Variants in SEC14L2 observed in about 807,000 individuals in gnomAD.
The protein encoded by SEC14L2 is SEC14 like lipid binding 2.
Under a neutral mutation model 56.9 loss-of-function variants are expected in SEC14L2, and 50 were observed. That is an observed-to-expected ratio of 0.88 (90% CI 0.70 to 1.11). The LOEUF (loss-of-function observed/expected upper bound fraction) is 1.11, where lower values mean the gene tolerates loss of function less well. SEC14L2 is among the 50% of genes most tolerant of loss of function. The probability of loss-of-function intolerance (pLI) is 0.00; values close to 1 mark genes in which losing one functional copy is unlikely to be tolerated. For missense variants in SEC14L2, 414 were observed against 500.7 expected (o/e 0.83, Z 1.65); for synonymous variants, 179 against 188.5 (o/e 0.95, Z 0.41).
rs1934405327 is a variant in SEC14L2 at position 30,416,913 on chromosome 22, T to C, written c.1081+510T>C. ...GAATATAAGAATGGGAAACAGACAT[T>C]TGAAAAGGTGCTTAATCTCTCTTAA... is the stretch of plus-strand genomic sequence containing the variant. On this transcript the variant is annotated intron_variant, in intron 11 of 11. Transcript: ENST00000615189. The C allele has an allele frequency of 1.1e-5, 11 of 957,646 alleles. No homozygotes were observed. The South Asian group carries it at 4.6e-4, about 40-fold the overall frequency. 59.3% of individuals were successfully genotyped at this position (957,646 alleles called of 1,614,324 possible). A position where few individuals can be genotyped will look rare whatever the true frequency, so the allele number is the denominator to read the frequency against.
intron 2 of SEC14L2, among the ~76,000 whole-genome samples, chr22:30,405,812 G>T (rs763553144): frequency 6.6e-6 from 1 of 152,144 alleles, no homozygotes; most frequent in Non-Finnish European, 1.5e-5. Flanking sequence ...AAGTAGCTGG[G>T]ACTAGAGGTG....
At chr22:30,420,251 C>G (rs1934482895) in intron 11 of SEC14L2, among the ~76,000 whole-genome samples, 2 of 152,240 alleles carry the variant, frequency 1.3e-5, no homozygotes, top group Admixed American at 1.3e-4. Flanking sequence ...CCACGCCCAG[C>G]CAAATTGTGT....
intron 2 of SEC14L2, among the ~76,000 whole-genome samples, chr22:30,401,536 C>CA (rs953731191): frequency 7.0e-6 from 1 of 142,332 alleles, no homozygotes; most frequent in Non-Finnish European, 1.5e-5. Context: ...TTTTTTGAGA[C>CA]AGAGTCTCAC....
chr22:30,411,784 G>C (rs928433464), intron 8 of SEC14L2, among the ~76,000 whole-genome samples: 1 of 140,032 alleles, frequency 7.1e-6, no homozygotes, highest in Non-Finnish European at 1.5e-5. Flanking sequence ...AGGTCTTTTG[G>C]CCTCTCTGGG....
chr22:30,398,519 G>A (rs1017950969), intron 1 of SEC14L2: 3 of 361,956 alleles, frequency 8.3e-6, no homozygotes, highest in Admixed American at 6.8e-5. Context: ...CAGGGAGTGA[G>A]AGGTTGGAGG....
At chr22:30,410,829 A>T in intron 8 of SEC14L2, 150 bp downstream of exon 8, 4 of 671,822 alleles carry the variant, frequency 6.0e-6, no homozygotes, top group Non-Finnish European at 1.1e-5. Flanking sequence ...GGGTGGAGCT[A>T]GTGCCTTCTT....
Position 30,407,455 on chromosome 22 carries a change from A to G in SEC14L2, c.275A>G (p.Asp92Gly). 6.2e-7 allele frequency: 1 copy of G among 1,614,146 alleles called. No individual in the cohort carries two copies. The highest frequency in any genetic ancestry group is 8.5e-7 in the Non-Finnish European group (1 of 1,180,022). ...CTGTCAGGGGGTATGTGTGGCTATG[A>G]CCTGGATGGCTGCCCAGTCTGGTAC... ...QYLSGGMCGYDLDGCPVWYDI... is the reference protein window; with the variant it reads ...QYLSGGMCGYGLDGCPVWYDI... Residue 92 changes from aspartate (D) to glycine (G), a missense_variant, in exon 5 of 12, where the codon GAC (aspartate) becomes GGC (glycine). Coordinates refer to ENST00000615189, the MANE Select transcript of SEC14L2 (RefSeq NM_012429.5).
chr22:30,410,677 G>A lies in SEC14L2; in HGVS notation c.662G>A (p.Gly221Glu). ...ACTCGTAAGAAGATCATGGTCCTGG[G>A]AGGTAAGTGGTCCAGACTGTTCTCA... ...EDTRKKIMVL[G>E]ANWKEVLLKH... Residue 221 changes from glycine (G) to glutamate (E), a missense_variant and splice_region_variant, in exon 8 of 12, where the codon GGA (glycine) becomes GAA (glutamate). Coordinates refer to ENST00000615189, the MANE Select transcript of SEC14L2 (RefSeq NM_012429.5). The A allele has an allele frequency of 6.2e-7, 1 of 1,613,990 alleles. No individual in the cohort carries two copies. Among genetic ancestry groups the A allele is most frequent in the Non-Finnish European group, 8.5e-7 (1 of 1,179,818 alleles).
chr22:30,415,934 T>C lies in SEC14L2; in HGVS notation c.772-14T>C. Reference sequence around the variant, plus strand: ...CAAATGCACATTCCAGTTCACTCCATGCCATGCTTCTAGATCAACTACGGG... The same window carrying C: ...CAAATGCACATTCCAGTTCACTCCACGCCATGCTTCTAGATCAACTACGGG... On this transcript the variant is annotated splice_polypyrimidine_tract_variant and intron_variant, in intron 9 of 11. Coordinates refer to ENST00000615189, the MANE Select transcript of SEC14L2 (RefSeq NM_012429.5). 6.2e-7 allele frequency: 1 copy of C among 1,614,160 alleles called. No individual in the cohort carries two copies. Among genetic ancestry groups the C allele is most frequent in the South Asian group, 1.1e-5 (1 of 91,078 alleles).
At chr22:30,412,836 CAAACAAAA>C (rs1934287049) in intron 8 of SEC14L2, among the ~76,000 whole-genome samples, 1 of 128,740 alleles carries the variant, frequency 7.8e-6, no homozygotes. Context: ...AAAAAAAAAA[CAAACAAAA>C]AAACAAAAAA....
At position 30,422,881 on chromosome 22, in the gene SEC14L2, C is replaced by CTGG. The variant is rs1382063086; in HGVS notation, c.*475_*476insGGT. On this transcript the variant is annotated 3_prime_UTR_variant, in exon 12 of 12. Transcript: ENST00000615189. The stretch of plus-strand genomic sequence containing the variant: ...AGAGTTACGGTGGGGATCAGAAACT[C>CTGG]TTCCAAACATTTTAGCACTGAGGCT... The CTGG allele has an allele frequency of 6.5e-6, 1 of 154,310 alleles. No homozygotes were observed. Among genetic ancestry groups the CTGG allele is most frequent in the African/African-American group, 2.4e-5 (1 of 41,462 alleles). The allele number at this position is 154,310 out of a possible 1,614,324, so 9.6% of individuals were successfully genotyped here.
rs1934573573 is a variant in SEC14L2 at position 30,423,392 on chromosome 22, C to G, written c.*985C>G. ...GCAAGGTCTTACTAAGCAGTCCCAT[C>G]TCTGTGGGAGGCATGCAACGCGTGC... is the stretch of plus-strand genomic sequence containing the variant. On this transcript the variant is annotated 3_prime_UTR_variant, in exon 12 of 12. Coordinates refer to ENST00000615189, the MANE Select transcript of SEC14L2 (RefSeq NM_012429.5). The G allele has an allele frequency of 6.5e-6, 1 of 152,770 alleles. No homozygotes were observed. Among genetic ancestry groups the G allele is most frequent in the South Asian group, 2.1e-4 (1 of 4,838 alleles). 9.5% of individuals were successfully genotyped at this position (152,770 alleles called of 1,614,324 possible). A position where few individuals can be genotyped will look rare whatever the true frequency, so the allele number is the denominator to read the frequency against.
At chr22:30,409,355 C>A in intron 6 of SEC14L2, 71 bp from the exon 7 acceptor site, 1 of 1,604,654 alleles carries the variant, frequency 6.2e-7, no homozygotes. Context: ...CTAGGCTGTC[C>A]TGTGGGATGG....
At chr22:30,411,607 G>A (rs369502585) in intron 8 of SEC14L2, among the ~76,000 whole-genome samples, 7 of 151,934 alleles carry the variant, frequency 4.6e-5, no homozygotes, top group South Asian at 2.1e-4. Context: ...TTAGCCAGGC[G>A]TCGTGGTGTG....
chr22:30,406,831 C>T (rs913628439), intron 3 of SEC14L2, among the ~76,000 whole-genome samples: 9 of 152,226 alleles, frequency 5.9e-5, no homozygotes, highest in Non-Finnish European at 1.3e-4. Flanking sequence ...CAGCTCACTG[C>T]AACCTCCGCC....
At chr22:30,420,949 T>C (rs920058710) in intron 11 of SEC14L2, 3 of 152,168 alleles carry the variant, frequency 2.0e-5, no homozygotes, top group African/African-American at 7.2e-5. Flanking sequence ...ATGCCCATTT[T>C]CTCTTTCCAG....
At chr22:30,407,350 G>T in intron 4 of SEC14L2, 65 bp from the exon 5 acceptor site, 1 of 1,563,144 alleles carries the variant, frequency 6.4e-7, no homozygotes. Context: ...CTGGAGTAAG[G>T]CCCTGTGGTC....
At chr22:30,405,279 C>A (rs1384031492) in intron 2 of SEC14L2, among the ~76,000 whole-genome samples, 1 of 152,126 alleles carries the variant, frequency 6.6e-6, no homozygotes, top group East Asian at 1.9e-4. Flanking sequence ...AGTGAAAGCA[C>A]AGAATTTTCC....
rs1467195965 is a variant in SEC14L2, at chr22:30,400,919, AAAAAG to A, written c.130+1204_130+1208del. On this transcript the variant is annotated intron_variant, in intron 2 of 11. Coordinates refer to ENST00000615189, the MANE Select transcript of SEC14L2 (RefSeq NM_012429.5). ...CAAAAAAAAAAAAAAAAAAAAAAAAAAAAAGAAGGTTACCTTTTTTTTTTTCTTTT... is the reference window on the plus strand; with the variant it reads ...CAAAAAAAAAAAAAAAAAAAAAAAAAAAGGTTACCTTTTTTTTTTTCTTTT... Among the ~76,000 whole-genome samples the A allele has an allele frequency of 2.5e-3, 356 of 141,174 alleles. 18 individuals are homozygous for A. Among genetic ancestry groups the A allele is most frequent in the African/African-American group, 9.8e-3 (337 of 34,520 alleles). The allele number at this position is 141,174 out of a possible 152,430, so 92.6% of individuals were successfully genotyped here.
Sources: allele counts gnomAD v4.1 joint callset (sites outside exome capture counted in the v4.1 genomes callset), GRCh38; gene constraint gnomAD v4.1.1; transcripts MANE v1.5; gene names NCBI Gene and HGNC (gene_info 2026-07-23, HGNC 2026-07-21).